The following ARHGEF9 variants were observed in gnomAD, a reference collection of about 807,000 sequenced individuals.
ARHGEF9 encodes the protein rho guanine nucleotide exchange factor 9.
A neutral mutation model predicts 41.3 loss-of-function variants in ARHGEF9; 2 were observed. The ratio of observed to expected loss-of-function variants is 0.05; its 90% CI spans 0.02 to 0.15. The LOEUF (loss-of-function observed/expected upper bound fraction) is 0.15. ARHGEF9 is among the 10% of genes least tolerant of loss of function. The probability of loss-of-function intolerance (pLI) is 1.00; values close to 1 mark genes in which losing one functional copy is unlikely to be tolerated. For synonymous variants in ARHGEF9, 160 were observed against 154.4 expected (o/e 1.04, Z -0.27); for missense variants, 225 against 424.7 (o/e 0.53, Z 4.13).
At chrX:63,690,252 A>G (rs2051250611) in intron 4 of ARHGEF9, among the ~76,000 whole-genome samples, 2 of 111,531 alleles carry the variant, frequency 1.8e-5, no homozygotes, top group South Asian at 7.5e-4. Flanking sequence ...ATCTTTAGCT[A>G]GACTAAGAAA....
chrX:63,635,104 A>G lies in ARHGEF9; in HGVS notation c.*2924T>C. 1 of 341,772 alleles carries G rather than the reference A, an allele frequency of 2.9e-6. No homozygotes were observed. Among genetic ancestry groups the G allele is most frequent in the Non-Finnish European group, 5.0e-6 (1 of 198,550 alleles). 28.2% of individuals were successfully genotyped at this position (341,772 alleles called of 1,213,427 possible). Reference sequence around the variant, plus strand: ...CAGAGTCAGTCAGATAAAAGAAACAAAAGAATAAACTGGCAAATGCAGAGC... The same window carrying G: ...CAGAGTCAGTCAGATAAAAGAAACAGAAGAATAAACTGGCAAATGCAGAGC... On this transcript the variant is annotated 3_prime_UTR_variant, in exon 10 of 10. Coordinates refer to ENST00000671741, the MANE Select transcript of ARHGEF9 (RefSeq NM_001353921.2).
chrX:63,653,685 T>C (rs1162672114), intron 8 of ARHGEF9, among the ~76,000 whole-genome samples: 2 of 111,485 alleles, frequency 1.8e-5, no homozygotes, highest in Admixed American at 9.6e-5. Flanking sequence ...TACTGCACTG[T>C]TAACACTGGT....
At position 63,710,638 on chromosome X, in the gene ARHGEF9, T is replaced by C. The variant is rs782476646; in HGVS notation, c.211-4189A>G. On this transcript the variant is annotated intron_variant, in intron 2 of 9. Transcript: ENST00000671741. ...GCAAAATCCAACACCCTTTCATGAT[T>C]AAAAAAAAAATACTAAACAAACTAG... 2.8e-5 allele frequency among the ~76,000 whole-genome samples: 3 copies of C among 107,588 alleles called. No individual in the cohort carries two copies. In the East Asian group the frequency reaches 8.6e-4, roughly 31 times the overall value. 93.4% of individuals were successfully genotyped at this position (107,588 alleles called of 115,157 possible). A position where few individuals can be genotyped will look rare whatever the true frequency, so the allele number is the denominator to read the frequency against.
chrX:63,703,898 C>T (rs782119559), intron 3 of ARHGEF9, among the ~76,000 whole-genome samples: 5 of 110,696 alleles, frequency 4.5e-5, no homozygotes, highest in Non-Finnish European at 7.6e-5. Context: ...GAGGGGAATG[C>T]TTTAAGCAGA....
rs1214607893 is a variant in ARHGEF9, at chrX:63,679,495, T to C, written c.583-923A>G. ...ACAAAAAATCAAGATAGAGTTGTTA[T>C]ATAAGGGTTGAAAAACAAGCAAAAT... is the stretch of plus-strand genomic sequence containing the variant. On this transcript the variant is annotated intron_variant, in intron 4 of 9. Coordinates refer to ENST00000671741, the MANE Select transcript of ARHGEF9 (RefSeq NM_001353921.2). Among the ~76,000 whole-genome samples, 3 of 111,460 alleles carry C rather than the reference T, an allele frequency of 2.7e-5. No individual in the cohort carries two copies. In the East Asian group the frequency reaches 8.4e-4, roughly 31 times the overall value.
intron 7 of ARHGEF9, among the ~76,000 whole-genome samples, chrX:63,660,524 G>A (rs1277558179): frequency 9.0e-6 from 1 of 111,302 alleles, no homozygotes; most frequent in African/African-American, 3.3e-5. Context: ...ATTTGAATAT[G>A]CACCCCCTAA....
At chrX:63,783,063 A>G (rs2056406511) in intron 1 of ARHGEF9, among the ~76,000 whole-genome samples, 1 of 111,979 alleles carries the variant, frequency 8.9e-6, no homozygotes, top group African/African-American at 3.2e-5. Context: ...ACCAATCCTT[A>G]ATTACACAGT....
intron 1 of ARHGEF9, among the ~76,000 whole-genome samples, chrX:63,743,653 AG>A (rs2055096292): frequency 8.9e-6 from 1 of 112,595 alleles, no homozygotes; most frequent in Non-Finnish European, 1.9e-5. Flanking sequence ...ATGAAAACCC[AG>A]TAATCCATCA....
chrX:63,773,439 G>A (rs1293425489), intron 1 of ARHGEF9, among the ~76,000 whole-genome samples: 5 of 111,922 alleles, frequency 4.5e-5, no homozygotes, highest in Non-Finnish European at 9.4e-5. Flanking sequence ...ACCCAAGTGT[G>A]TGTCTCCTCT....
rs557610536 is a variant in ARHGEF9, at chrX:63,704,349, T to G, written c.402+1909A>C. Among the ~76,000 whole-genome samples, 17 of 112,402 alleles carry G rather than the reference T, an allele frequency of 1.5e-4. No homozygotes were observed. The South Asian group carries it at 6.3e-3, about 41-fold the overall frequency. On this transcript the variant is annotated intron_variant, in intron 3 of 9. Transcript: ENST00000671741. ...TAAGTCTGGGTTGGAGCCAAAGATT[T>G]TGCATTTATAACAAGTTTCCAGGTG...
chrX:63,691,114 G>T (rs2051317379), intron 4 of ARHGEF9, among the ~76,000 whole-genome samples: 1 of 111,970 alleles, frequency 8.9e-6, no homozygotes, highest in Admixed American at 9.5e-5. Flanking sequence ...GTTCAGTGTA[G>T]TACTGCATGT....
intron 3 of ARHGEF9, among the ~76,000 whole-genome samples, chrX:63,697,740 C>T (rs1189081584): frequency 9.0e-6 from 1 of 111,709 alleles, no homozygotes; most frequent in Non-Finnish European, 1.9e-5. Context: ...AACAGAAAAA[C>T]TTCCCACAAG....
intron 1 of ARHGEF9, chrX:63,754,810 C>T: frequency 1.1e-6 from 1 of 940,638 alleles, no homozygotes; most frequent in South Asian, 5.8e-5. Flanking sequence ...GATCGTTTGT[C>T]CCTAGCTGAG....
chrX:63,779,709 G>A (rs1424058120), intron 1 of ARHGEF9, among the ~76,000 whole-genome samples: 3 of 111,795 alleles, frequency 2.7e-5, no homozygotes, highest in Non-Finnish European at 5.6e-5. Flanking sequence ...ATTGATAGCA[G>A]CATTTTTACT....
chrX:63,780,052 C>A (rs782078208), intron 1 of ARHGEF9, among the ~76,000 whole-genome samples: 2 of 111,616 alleles, frequency 1.8e-5, no homozygotes, highest in African/African-American at 3.3e-5. Context: ...GGGTGAAGAA[C>A]TTTTCCTTCT....
chrX:63,650,327 C>T (rs2048462159), intron 8 of ARHGEF9, among the ~76,000 whole-genome samples: 2 of 111,193 alleles, frequency 1.8e-5, no homozygotes, highest in South Asian at 3.7e-4. Context: ...CATATATACA[C>T]GATGTTATAT....
At chrX:63,686,106 G>A (rs1463652248) in intron 4 of ARHGEF9, among the ~76,000 whole-genome samples, 1 of 111,575 alleles carries the variant, frequency 9.0e-6, no homozygotes, top group African/African-American at 3.3e-5. Context: ...GCAAAGATAA[G>A]GAATCAATCT....
chrX:63,646,898 T>A (rs1556315919), intron 8 of ARHGEF9, among the ~76,000 whole-genome samples: 1 of 111,584 alleles, frequency 9.0e-6, no homozygotes, highest in Non-Finnish European at 1.9e-5. Context: ...TATCCTCTTT[T>A]ATTTCATTGA....
At chrX:63,654,794 T>C (rs542231492) in intron 8 of ARHGEF9, among the ~76,000 whole-genome samples, 1 of 111,901 alleles carries the variant, frequency 8.9e-6, no homozygotes, top group East Asian at 2.8e-4. Context: ...TGGTATTTTT[T>C]ATGACAGAAA....
Sources: allele counts gnomAD v4.1 joint callset (sites outside exome capture counted in the v4.1 genomes callset), GRCh38; gene constraint gnomAD v4.1.1; transcripts MANE v1.5; gene names NCBI Gene and HGNC (gene_info 2026-07-23, HGNC 2026-07-21).